AIG1: variants seen among roughly 807,000 people sequenced by gnomAD.
The protein encoded by AIG1 is androgen induced 1.
AIG1 carries 23 observed loss-of-function variants against 31.4 expected under a neutral mutation model. The ratio of observed to expected loss-of-function variants is 0.73; its 90% CI spans 0.53 to 1.04. AIG1 has a LOEUF of 1.04. AIG1 is among the 50% of genes least tolerant of loss of function. The probability of loss-of-function intolerance (pLI) is 0.00; values close to 1 mark genes in which losing one functional copy is unlikely to be tolerated. For missense variants in AIG1, 274 were observed against 295.0 expected, an observed-to-expected ratio of 0.93 and a Z score of 0.52; for synonymous variants, 100 against 110.5, an observed-to-expected ratio of 0.90 and a Z score of 0.60.
At chr6:143,196,365 A>G (rs1263654352) in intron 3 of AIG1, among the ~76,000 whole-genome samples, 6 of 149,228 alleles carry the variant, frequency 4.0e-5, no homozygotes, top group African/African-American at 1.5e-4. Context: ...ACACACACAC[A>G]CACACACACA....
chr6:143,326,725 A>G lies in AIG1; in HGVS notation c.516-6557A>G, dbSNP rs1776642879. ...GATCAGTTGTACCAGTTGAGCTAAT[A>G]TAGAAAAGATACATATAACCTAATT... On this transcript the variant is annotated intron_variant, in intron 4 of 5. Transcript: ENST00000357847. This position sits in a 1 kb window ranked among gnomAD's most constrained non-coding sequence, Gnocchi z 4.5. 6.6e-6 allele frequency among the ~76,000 whole-genome samples: 1 copy of G among 152,238 alleles called. No homozygotes were observed. Among genetic ancestry groups the G allele is most frequent in the African/African-American group, 2.4e-5 (1 of 41,468 alleles).
At chr6:143,152,641 C>G (rs1040318728) in intron 2 of AIG1, among the ~76,000 whole-genome samples, 4 of 152,126 alleles carry the variant, frequency 2.6e-5, no homozygotes, top group Admixed American at 6.5e-5. Context: ...TAACTCTGGG[C>G]CCATAACAGG....
intron 3 of AIG1, among the ~76,000 whole-genome samples, chr6:143,185,316 C>G (rs1332505308): frequency 6.6e-6 from 1 of 152,130 alleles, no homozygotes; most frequent in Admixed American, 6.5e-5. Context: ...TGGCTGACTT[C>G]CCTGAGCCCA....
At chr6:143,221,554 T>C (rs190171304) in intron 3 of AIG1, among the ~76,000 whole-genome samples, 2 of 152,320 alleles carry the variant, frequency 1.3e-5, no homozygotes, top group East Asian at 3.9e-4. Context: ...GCAGCTAATA[T>C]TTAGTATGTA....
intron 3 of AIG1, among the ~76,000 whole-genome samples, chr6:143,273,829 A>T (rs1796709623): frequency 6.6e-6 from 1 of 152,190 alleles, no homozygotes; most frequent in Admixed American, 6.5e-5. Context: ...CCTCCCAAAC[A>T]CATGGGAATT....
intron 1 of AIG1, among the ~76,000 whole-genome samples, chr6:143,083,212 C>T (rs145942093): frequency 3.3e-5 from 5 of 152,192 alleles, no homozygotes; most frequent in African/African-American, 4.8e-5. Flanking sequence ...AGTTTAAAAG[C>T]GCTTGGGTGG....
intron 1 of AIG1, among the ~76,000 whole-genome samples, chr6:143,085,437 A>G (rs1032282104): frequency 1.3e-4 from 20 of 152,272 alleles, no homozygotes; most frequent in African/African-American, 4.8e-4. Context: ...CTTGACCACA[A>G]AGAAAGGGGT....
intron 5 of AIG1, chr6:143,335,317 A>G: frequency 3.0e-6 from 1 of 336,408 alleles, no homozygotes; most frequent in Non-Finnish European, 5.3e-6. Context: ...GTGGATCACG[A>G]GGTCAAGAGA....
upstream of AIG1, among the ~76,000 whole-genome samples, chr6:143,060,291 A>C (rs2128452821): frequency 6.6e-6 from 1 of 152,320 alleles, no homozygotes; most frequent in Non-Finnish European, 1.5e-5. Flanking sequence ...TATTGCCCCA[A>C]AATACTGAAA....
At chr6:143,315,658 A>C (rs1307529923) in intron 4 of AIG1, among the ~76,000 whole-genome samples, 17 of 152,164 alleles carry the variant, frequency 1.1e-4, no homozygotes, top group African/African-American at 4.1e-4. Flanking sequence ...TACACCTTTC[A>C]CAAAATTTAA....
At chr6:143,240,961 C>T (rs1452331792) in intron 3 of AIG1, among the ~76,000 whole-genome samples, 1 of 152,070 alleles carries the variant, frequency 6.6e-6, no homozygotes, top group African/African-American at 2.4e-5. Context: ...ATACACATTC[C>T]CGTTTGCTCT....
rs1184776901 is a variant in AIG1, at chr6:143,331,489, G to A, written c.516-1793G>A. ...ACCTGTGTCTGGCTTATTTTGCTTAGCATAATGTTTTCAAGGTCCATCCAT... is the reference window on the plus strand; with the variant it reads ...ACCTGTGTCTGGCTTATTTTGCTTAACATAATGTTTTCAAGGTCCATCCAT... On this transcript the variant is annotated intron_variant, in intron 4 of 5. Coordinates refer to ENST00000357847, the MANE Select transcript of AIG1 (RefSeq NM_016108.4). This position sits in a 1 kb window ranked among gnomAD's most constrained non-coding sequence, Gnocchi z 4.1. Among the ~76,000 whole-genome samples the A allele has an allele frequency of 6.6e-6, 1 of 152,080 alleles. No individual in the cohort carries two copies. Among genetic ancestry groups the A allele is most frequent in the Non-Finnish European group, 1.5e-5 (1 of 68,012 alleles).
intron 3 of AIG1, among the ~76,000 whole-genome samples, chr6:143,177,249 G>A (rs773259799): frequency 2.0e-5 from 3 of 151,910 alleles, no homozygotes; most frequent in East Asian, 1.9e-4. Context: ...ATCTTCCCAG[G>A]TTTCCTTAAG....
intron 3 of AIG1, chr6:143,188,428 A>G: frequency 2.4e-5 from 24 of 985,418 alleles, no homozygotes; most frequent in Non-Finnish European, 2.9e-5. Flanking sequence ...GATAACATGA[A>G]GCTGTGCTTT....
chr6:143,257,854 A>G lies in AIG1; in HGVS notation c.400-26256A>G, dbSNP rs1560946. Among the ~76,000 whole-genome samples the G allele has an allele frequency of 1.1e-3, 175 of 152,264 alleles. 1 individual carries two copies. In the East Asian group the frequency reaches 0.026, roughly 22 times the overall value. On this transcript the variant is annotated intron_variant, in intron 3 of 5. Coordinates refer to ENST00000357847, the MANE Select transcript of AIG1 (RefSeq NM_016108.4). ...TCTAATTCTCACTTTTTTCAATACT[A>G]TATGTGGAGGATGGAGACAGTTCTA...
intron 3 of AIG1, among the ~76,000 whole-genome samples, chr6:143,226,218 A>G (rs1434062060): frequency 1.3e-5 from 2 of 151,010 alleles, no homozygotes; most frequent in African/African-American, 2.4e-5. Context: ...GCAGTTACAC[A>G]TTCCATTCTT....
intron 5 of AIG1, among the ~76,000 whole-genome samples, chr6:143,337,688 G>C (rs555091249): frequency 5.3e-5 from 8 of 152,164 alleles, no homozygotes; most frequent in Non-Finnish European, 1.0e-4. Context: ...TATGTGTGCA[G>C]AAACCTGCAC....
rs1333997418 is a variant in AIG1 at position 143,312,442 on chromosome 6, A to C, written c.516-20840A>C. ...AAACCCATTTTTGACAAAGGTGCCA[A>C]AAACATACATTAGGGAAAGGACAGT... On this transcript the variant is annotated intron_variant, in intron 4 of 5. Coordinates refer to ENST00000357847, the MANE Select transcript of AIG1 (RefSeq NM_016108.4). 3.9e-5 allele frequency among the ~76,000 whole-genome samples: 6 copies of C among 152,170 alleles called. No individual in the cohort carries two copies. In the South Asian group the frequency reaches 1.0e-3, roughly 26 times the overall value.
At chr6:143,273,676 C>A (rs1031480128) in intron 3 of AIG1, among the ~76,000 whole-genome samples, 8 of 152,268 alleles carry the variant, frequency 5.3e-5, no homozygotes, top group African/African-American at 1.9e-4. Context: ...GCATGTCTTA[C>A]ATGGTGGCAG....
Sources: gnomAD v4.1 joint callset for allele counts (sites outside exome capture counted in the v4.1 genomes callset) on GRCh38, gnomAD v4.1.1 for gene constraint, Gnocchi (gnomAD v3.1) non-coding constraint, MANE v1.5 for transcripts, NCBI Gene and HGNC (gene_info 2026-07-23, HGNC 2026-07-21) for gene names.